Variants in RORA observed in about 807,000 individuals in gnomAD.
RORA encodes the protein nuclear receptor ROR-alpha.
Under a neutral mutation model 69.5 loss-of-function variants are expected in RORA, and 7 were observed. That is an observed-to-expected ratio of 0.10 (90% confidence interval 0.06 to 0.19). The LOEUF (loss-of-function observed/expected upper bound fraction) is 0.19, where lower values mean the gene tolerates loss of function less well. RORA is among the 10% of genes least tolerant of loss of function. The probability of loss-of-function intolerance (pLI) is 1.00; values close to 1 mark genes in which losing one functional copy is unlikely to be tolerated. For synonymous variants in RORA, 261 were observed against 240.8 expected (o/e 1.08, Z -0.78); for missense variants, 457 against 663.0 (o/e 0.69, Z 3.41).
chr15:60,831,938 G>C (rs1177999003), intron 1 of RORA, among the ~76,000 whole-genome samples: 1 of 152,186 alleles, frequency 6.6e-6, no homozygotes, highest in Non-Finnish European at 1.5e-5. Context: ...TAATATGGTA[G>C]GAGGTACACA....
chr15:60,798,482 G>T (rs866829878), intron 1 of RORA, among the ~76,000 whole-genome samples: 1 of 151,960 alleles, frequency 6.6e-6, no homozygotes, highest in South Asian at 2.1e-4. Flanking sequence ...TTAGTTGTCT[G>T]GTTCCTGAGC....
intron 2 of RORA, among the ~76,000 whole-genome samples, chr15:60,649,517 G>A (rs2070108697): frequency 6.6e-6 from 1 of 152,206 alleles, no homozygotes; most frequent in Non-Finnish European, 1.5e-5. Flanking sequence ...TCTAACGTCA[G>A]AACATTCTGT....
At chr15:60,779,566 A>G (rs886620488) in intron 1 of RORA, among the ~76,000 whole-genome samples, 2 of 152,224 alleles carry the variant, frequency 1.3e-5, no homozygotes, top group African/African-American at 4.8e-5. Flanking sequence ...GTTTGGCACA[A>G]GTAAGTAAAC....
chr15:60,895,738 G>A (rs536743090), intron 1 of RORA, among the ~76,000 whole-genome samples: 12 of 152,228 alleles, frequency 7.9e-5, no homozygotes, highest in Admixed American at 2.6e-4. Flanking sequence ...CCCATACAAC[G>A]CACATGGTCA....
rs1171984277 is a variant in RORA, at chr15:60,490,434, T to C, written c.*7021A>G. The C allele has an allele frequency of 2.0e-5, 3 of 152,148 alleles. No homozygotes were observed. Among genetic ancestry groups the C allele is most frequent in the Non-Finnish European group, 4.4e-5 (3 of 67,982 alleles). 9.4% of individuals were successfully genotyped at this position (152,148 alleles called of 1,614,324 possible). A position where few individuals can be genotyped will look rare whatever the true frequency, so the allele number is the denominator to read the frequency against. On this transcript the variant is annotated 3_prime_UTR_variant, in exon 11 of 11. Coordinates refer to ENST00000335670, the MANE Select transcript of RORA (RefSeq NM_134261.3). The surrounding 1 kb of genome is among the most constrained non-coding windows in gnomAD (Gnocchi z 4.1). ...TGCACTGAGTAGGCTGTTTATAATA[T>C]AACATTTTCTTATCTATACAGAATG...
chr15:60,997,478 TTA>T (rs1206149935), intron 1 of RORA, among the ~76,000 whole-genome samples: 1 of 152,200 alleles, frequency 6.6e-6, no homozygotes, highest in African/African-American at 2.4e-5. Flanking sequence ...AAAGATATAT[TTA>T]TATGTCATTA....
intron 1 of RORA, among the ~76,000 whole-genome samples, chr15:60,751,314 G>A (rs1185359963): frequency 6.6e-6 from 1 of 152,166 alleles, no homozygotes; most frequent in African/African-American, 2.4e-5. Context: ...GTGAAGATCA[G>A]TGGTGGGAAT....
intron 2 of RORA, among the ~76,000 whole-genome samples, chr15:60,595,124 C>G (rs1048015145): frequency 6.6e-6 from 1 of 152,000 alleles, no homozygotes; most frequent in Non-Finnish European, 1.5e-5. Flanking sequence ...GGGAACATCT[C>G]CCATATTGAA....
At chr15:60,755,161 T>G (rs996333883) in intron 1 of RORA, among the ~76,000 whole-genome samples, 2 of 115,546 alleles carry the variant, frequency 1.7e-5, no homozygotes, top group Non-Finnish European at 3.3e-5. Flanking sequence ...CAGGCCCCGG[T>G]GTGTGATGTT....
At chr15:60,745,901 A>ATCCTGTGT (rs2071641344) in intron 1 of RORA, among the ~76,000 whole-genome samples, 1 of 152,148 alleles carries the variant, frequency 6.6e-6, no homozygotes, top group African/African-American at 2.4e-5. Flanking sequence ...AAAGCCGCTT[A>ATCCTGTGT]ATTTCCTGTG....
At chr15:60,708,556 C>A (rs1403186646) in intron 1 of RORA, among the ~76,000 whole-genome samples, 2 of 152,098 alleles carry the variant, frequency 1.3e-5, no homozygotes, top group Admixed American at 1.3e-4. Context: ...GAAACACTTA[C>A]AAATAGCTTC....
intron 2 of RORA, among the ~76,000 whole-genome samples, chr15:60,540,742 A>G: frequency 6.6e-6 from 1 of 152,214 alleles, no homozygotes; most frequent in East Asian, 1.9e-4. Context: ...TGCTCATTGA[A>G]TAGATGTCAC....
At chr15:60,854,320 C>T (rs1001000820) in intron 1 of RORA, among the ~76,000 whole-genome samples, 1 of 151,830 alleles carries the variant, frequency 6.6e-6, no homozygotes, top group Non-Finnish European at 1.5e-5. Flanking sequence ...AAACATAGTT[C>T]GAATTCAAAT....
chr15:60,766,615 G>A lies in RORA; in HGVS notation c.167-87929C>T, dbSNP rs559836880. The stretch of plus-strand genomic sequence containing the variant: ...CCCTGCCTCTGTGATCTCTGCACTC[G>A]CCTATTGTAACTTGCTGTTTAATAG... On this transcript the variant is annotated intron_variant, in intron 1 of 10. Transcript: ENST00000335670. 6.6e-5 allele frequency among the ~76,000 whole-genome samples: 10 copies of A among 151,550 alleles called. No individual in the cohort carries two copies. In the East Asian group the frequency reaches 1.4e-3, roughly 21 times the overall value.
intron 1 of RORA, among the ~76,000 whole-genome samples, chr15:60,770,197 T>G (rs1159029930): frequency 6.6e-6 from 1 of 152,030 alleles, no homozygotes; most frequent in Non-Finnish European, 1.5e-5. Context: ...AAACTACAAA[T>G]GTTCAAAAAA....
intron 1 of RORA, among the ~76,000 whole-genome samples, chr15:61,173,779 C>T (rs2079605280): frequency 6.6e-6 from 1 of 152,182 alleles, no homozygotes; most frequent in African/African-American, 2.4e-5. Flanking sequence ...CCTCAGCCTC[C>T]CGAGTAGCTG....
At chr15:60,882,910 G>A (rs948399175) in intron 1 of RORA, among the ~76,000 whole-genome samples, 3 of 151,916 alleles carry the variant, frequency 2.0e-5, no homozygotes, top group African/African-American at 7.3e-5. Context: ...AATCACCTGA[G>A]GGTATGGGTT....
At chr15:60,735,056 G>A (rs530360620) in intron 1 of RORA, among the ~76,000 whole-genome samples, 27 of 152,326 alleles carry the variant, frequency 1.8e-4, no homozygotes, top group African/African-American at 6.3e-4. Context: ...TCTCTGTGAA[G>A]TACAAAGCAT....
At chr15:61,030,760 C>T (rs1009689683) in intron 1 of RORA, among the ~76,000 whole-genome samples, 14 of 151,972 alleles carry the variant, frequency 9.2e-5, no homozygotes, top group Admixed American at 7.9e-4. Flanking sequence ...TTTAAGGTTG[C>T]GTGTATATCC....
Sources: allele counts gnomAD v4.1 joint callset (sites outside exome capture counted in the v4.1 genomes callset), GRCh38; gene constraint gnomAD v4.1.1; non-coding constraint Gnocchi (gnomAD v3.1); transcripts MANE v1.5; gene names NCBI Gene and HGNC (gene_info 2026-07-23, HGNC 2026-07-21).